Variants in GOLGA5 observed in about 807,000 individuals in gnomAD.
GOLGA5 encodes golgin subfamily A member 5.
GOLGA5 carries 50 observed loss-of-function variants against 93.5 expected under a neutral mutation model. That is an observed-to-expected ratio of 0.53 (90% CI 0.43 to 0.68). The LOEUF (loss-of-function observed/expected upper bound fraction) is 0.68, where lower values mean the gene tolerates loss of function less well. Among genes scored for constraint, GOLGA5 ranks in the 30% least tolerant of loss-of-function variants. The pLI is 0.00. For synonymous variants in GOLGA5, 312 were observed against 304.5 expected (o/e 1.02, Z -0.26); for missense variants, 760 against 856.4 (o/e 0.89, Z 1.40).
chr14:92,798,926 A>G (rs1354314040), intron 2 of GOLGA5, among the ~76,000 whole-genome samples: 2 of 152,122 alleles, frequency 1.3e-5, no homozygotes, highest in Non-Finnish European at 2.9e-5. Context: ...CAAAGATAAA[A>G]ATAGAAAAAA....
At chr14:92,807,558 A>G (rs972966700) in intron 3 of GOLGA5, among the ~76,000 whole-genome samples, 3 of 152,188 alleles carry the variant, frequency 2.0e-5, no homozygotes, top group Admixed American at 6.5e-5. Context: ...AGTCTAGTTC[A>G]TTCATTTATT....
intron 7 of GOLGA5, 116 bp downstream of exon 7, chr14:92,816,537 G>GCTTCA (rs1458228318): frequency 4.4e-5 from 32 of 726,488 alleles, no homozygotes; most frequent in Non-Finnish European, 6.4e-5. Flanking sequence ...TCTTCGCTTC[G>GCTTCA]CTTCGCTTCT....
At chr14:92,799,207 C>G (rs1307475577) in intron 2 of GOLGA5, among the ~76,000 whole-genome samples, 1 of 151,820 alleles carries the variant, frequency 6.6e-6, no homozygotes. Context: ...TCAAGTGATC[C>G]TCCTACTTTG....
intron 12 of GOLGA5, 119 bp from the exon 13 acceptor site, chr14:92,839,247 A>T: frequency 1.5e-6 from 1 of 645,504 alleles, no homozygotes; most frequent in Non-Finnish European, 2.8e-6. Flanking sequence ...TCATTCCTTC[A>T]TGTGTCCCAT....
chr14:92,804,355 C>A (rs1299685652), intron 2 of GOLGA5, among the ~76,000 whole-genome samples: 1 of 152,008 alleles, frequency 6.6e-6, no homozygotes, highest in Non-Finnish European at 1.5e-5. Flanking sequence ...CGTGAGCCAC[C>A]ACGCCTGGCC....
At chr14:92,806,564 C>T (rs1372292656) in intron 2 of GOLGA5, among the ~76,000 whole-genome samples, 172 bp from the exon 3 acceptor site, 3 of 152,148 alleles carry the variant, frequency 2.0e-5, no homozygotes, top group Non-Finnish European at 4.4e-5. Context: ...CTCCCTGCCT[C>T]GGCCTCCCAA....
intron 8 of GOLGA5, among the ~76,000 whole-genome samples, chr14:92,820,044 A>G (rs1334906991): frequency 2.6e-5 from 4 of 152,192 alleles, no homozygotes; most frequent in South Asian, 4.1e-4. Flanking sequence ...AGAGACTGAG[A>G]AAAGAAATAA....
chr14:92,834,195 T>TAA (rs1555406069), intron 10 of GOLGA5, among the ~76,000 whole-genome samples: 1 of 147,970 alleles, frequency 6.8e-6, no homozygotes, highest in East Asian at 2.0e-4. Flanking sequence ...TTTTTTTTTT[T>TAA]ATTTTATTTT....
intron 6 of GOLGA5, 88 bp from the exon 7 acceptor site, chr14:92,816,163 T>A (rs1885199889): frequency 1.2e-6 from 1 of 853,084 alleles, no homozygotes; most frequent in South Asian, 1.7e-5. Flanking sequence ...GGAATTTTTT[T>A]TAGTGGGTTA....
rs1028342668 is a variant in GOLGA5 at position 92,819,982 on chromosome 14, A to C, written c.1620+146A>C. ...TCCTCCTGCCTTCCCATCTCATCTG[A>C]AGGGGTGGCCTGCCCCTCCACACCT... On this transcript the variant is annotated intron_variant, in intron 8 of 12. Coordinates refer to ENST00000163416, the MANE Select transcript of GOLGA5 (RefSeq NM_005113.4). 1.4e-5 allele frequency: 10 copies of C among 709,220 alleles called. No individual in the cohort carries two copies. The African/African-American group carries it at 1.8e-4, about 13-fold the overall frequency. 43.9% of individuals were successfully genotyped at this position (709,220 alleles called of 1,614,324 possible). A position where few individuals can be genotyped will look rare whatever the true frequency, so the allele number is the denominator to read the frequency against.
Position 92,809,539 on chromosome 14 carries a change from A to C in GOLGA5, c.992+20A>C, listed in dbSNP as rs1222510041. On this transcript the variant is annotated intron_variant, in intron 4 of 12. Transcript: ENST00000163416. Reference sequence around the variant, plus strand: ...ATCACGGTAGGTGATTCTATGAATAATGAAAAAAATGAGCAAGTAATGGTA... The same window carrying C: ...ATCACGGTAGGTGATTCTATGAATACTGAAAAAAATGAGCAAGTAATGGTA... The C allele has an allele frequency of 4.2e-6, 6 of 1,437,602 alleles. No homozygotes were observed. The highest frequency in any genetic ancestry group is 5.9e-6 in the Non-Finnish European group (6 of 1,023,040). 89.1% of individuals were successfully genotyped at this position (1,437,602 alleles called of 1,614,324 possible).
At position 92,833,314 on chromosome 14, in the gene GOLGA5, T is replaced by C. The variant is rs199767772; in HGVS notation, c.1912T>C (p.Ser638Pro). Residue 638 changes from serine (S) to proline (P), a missense_variant, in exon 10 of 13, where the codon TCG becomes CCG. Physicochemically the swap from Ser to Pro is moderately conservative, Grantham distance 74 (BLOSUM62 -1). Transcript: ENST00000163416. ...SASGSSSNGSSINMSGIDNGE... is the reference protein window; with the variant it reads ...SASGSSSNGSPINMSGIDNGE... The stretch of plus-strand genomic sequence containing the variant: ...CTCTGGAAGTAGTAGTAATGGGTCT[T>C]CGATTAATATGTCTGGAATTGACAA... 3 of 1,611,280 alleles carry C rather than the reference T, an allele frequency of 1.9e-6. No homozygotes were observed. The highest frequency in any genetic ancestry group is 2.5e-6 in the Non-Finnish European group (3 of 1,177,382).
In GOLGA5 at chr14:92,839,435, T is replaced by A. The variant is rs760307690; in HGVS notation, c.2185T>A (p.Tyr729Asn). ...ACCAGAAATGCACCACGACCAACCA[T>A]ATGGCAAATGAACCAAGCCCAGTTG... The part of the protein sequence containing the change: ...YTPEMHHDQP[Y>N]GK Residue 729 changes from tyrosine to asparagine, a missense_variant, in exon 13 of 13, where the codon TAT becomes AAT. Physicochemically the swap from Tyr to Asn is moderately radical, Grantham distance 143. Coordinates refer to ENST00000163416, the MANE Select transcript of GOLGA5 (RefSeq NM_005113.4). 4 of 1,606,548 alleles carry A rather than the reference T, an allele frequency of 2.5e-6. No individual in the cohort carries two copies. The highest frequency in any genetic ancestry group is 2.2e-5 in the East Asian group (1 of 44,870).
At chr14:92,805,459 ACTTG>A (rs559737581) in intron 2 of GOLGA5, among the ~76,000 whole-genome samples, 190 of 152,282 alleles carry the variant, frequency 1.2e-3, no homozygotes, top group Non-Finnish European at 2.4e-3. Context: ...ACATTTTTGT[ACTTG>A]CTTTTTTGTG....
At chr14:92,838,027 C>G (rs1885682160) in intron 12 of GOLGA5, among the ~76,000 whole-genome samples, 1 of 152,190 alleles carries the variant, frequency 6.6e-6, no homozygotes. Flanking sequence ...TAAAGCCCTT[C>G]TAATGATAAA....
intron 1 of GOLGA5, among the ~76,000 whole-genome samples, chr14:92,795,631 G>T (rs1481473951): frequency 6.6e-6 from 1 of 152,210 alleles, no homozygotes; most frequent in Non-Finnish European, 1.5e-5. Context: ...ATTTGTGAGT[G>T]CCTACTGTGT....
intron 2 of GOLGA5, among the ~76,000 whole-genome samples, chr14:92,798,975 T>C (rs1341124206): frequency 6.6e-6 from 1 of 152,084 alleles, no homozygotes; most frequent in Non-Finnish European, 1.5e-5. Flanking sequence ...AGGGATTCTT[T>C]TGTTGTTTTG....
intron 7 of GOLGA5, among the ~76,000 whole-genome samples, chr14:92,818,342 C>T (rs1171070625): frequency 6.6e-6 from 1 of 152,130 alleles, no homozygotes; most frequent in Non-Finnish European, 1.5e-5. Context: ...TACCATAACT[C>T]TGTGAGGGAG....
At chr14:92,802,789 G>A (rs1301973093) in intron 2 of GOLGA5, among the ~76,000 whole-genome samples, 1 of 150,516 alleles carries the variant, frequency 6.6e-6, no homozygotes, top group Non-Finnish European at 1.5e-5. Context: ...GGATCTTGCT[G>A]TGTTACCCAG....
Sources: allele counts gnomAD v4.1 joint callset (sites outside exome capture counted in the v4.1 genomes callset), GRCh38; gene constraint gnomAD v4.1.1; transcripts MANE v1.5; gene names NCBI Gene and HGNC (gene_info 2026-07-23, HGNC 2026-07-21).